FAM20A: variants seen among roughly 807,000 people sequenced by gnomAD.
The protein encoded by FAM20A is FAM20A golgi associated secretory pathway pseudokinase.
A neutral mutation model predicts 52.0 loss-of-function variants in FAM20A; 42 were observed. The ratio of observed to expected loss-of-function variants is 0.81; its 90% CI spans 0.63 to 1.04. FAM20A has a LOEUF of 1.04. FAM20A is among the 50% of genes least tolerant of loss of function. The pLI, the probability that FAM20A is intolerant of heterozygous loss-of-function variation, is 0.00. For synonymous variants in FAM20A, 304 were observed against 298.9 expected (o/e 1.02, Z -0.18); for missense variants, 742 against 712.7 (o/e 1.04, Z -0.47).
chr17:68,559,404 T>G (rs1568749069), intron 1 of FAM20A, among the ~76,000 whole-genome samples: 1 of 152,362 alleles, frequency 6.6e-6, no homozygotes, highest in East Asian at 1.9e-4. Context: ...AACACTGGCC[T>G]TCCTTTTAAG....
At chr17:68,591,831 G>C (rs1405449753) in intron 1 of FAM20A, 1 of 152,276 alleles carries the variant, frequency 6.6e-6, no homozygotes, top group Non-Finnish European at 1.5e-5. Context: ...GATTCAGTCT[G>C]TGAGGCGGGA....
chr17:68,551,800 T>A, intron 4 of FAM20A, 73 bp downstream of exon 4: 1 of 1,059,238 alleles, frequency 9.4e-7, no homozygotes, highest in Non-Finnish European at 1.4e-6. Flanking sequence ...TAGGTCACTT[T>A]TATTAGTTTT....
In FAM20A at chr17:68,537,323, A is replaced by G. The variant is rs2143439124; in HGVS notation, c.*154T>C. ...CACCAAGGAGTAAAGATTCAGTTCC[A>G]TGGGCCCCACTTGCTGTTTGAGAAA... is the stretch of plus-strand genomic sequence containing the variant. On this transcript the variant is annotated 3_prime_UTR_variant, in exon 11 of 11. Transcript: ENST00000592554. This position sits in a 1 kb window ranked among gnomAD's most constrained non-coding sequence, Gnocchi z 4.2. 1.1e-6 allele frequency: 1 copy of G among 944,970 alleles called. No individual in the cohort carries two copies. Among genetic ancestry groups the G allele is most frequent in the Admixed American group, 1.9e-5 (1 of 52,024 alleles). 58.5% of individuals were successfully genotyped at this position (944,970 alleles called of 1,614,324 possible).
At chr17:68,538,669 A>G (rs1341441804) in intron 10 of FAM20A, among the ~76,000 whole-genome samples, 2 of 152,182 alleles carry the variant, frequency 1.3e-5, no homozygotes, top group African/African-American at 4.8e-5. Flanking sequence ...TCAAGTAGTA[A>G]TATTTATGAG....
intron 3 of FAM20A, 109 bp downstream of exon 3, chr17:68,554,668 G>A (rs1178878188): frequency 4.8e-6 from 5 of 1,042,264 alleles, no homozygotes; most frequent in Non-Finnish European, 7.4e-6. Context: ...GTTAGGCAGA[G>A]AGCCATGCTC....
chr17:68,550,577 C>T (rs2086791639), intron 4 of FAM20A, among the ~76,000 whole-genome samples: 1 of 151,974 alleles, frequency 6.6e-6, no homozygotes, highest in African/African-American at 2.4e-5. Flanking sequence ...GATGGGGTTT[C>T]ACCATGATGG....
At chr17:68,592,075 T>A (rs2088329198) in intron 1 of FAM20A, among the ~76,000 whole-genome samples, 1 of 152,178 alleles carries the variant, frequency 6.6e-6, no homozygotes, top group South Asian at 2.1e-4. Flanking sequence ...AAAATGGACC[T>A]CACCAACTGG....
At chr17:68,585,906 C>T (rs2088154081) in intron 1 of FAM20A, among the ~76,000 whole-genome samples, 1 of 152,176 alleles carries the variant, frequency 6.6e-6, no homozygotes, top group Non-Finnish European at 1.5e-5. Context: ...AGTGTCCTCT[C>T]TTGGAGGAGG....
chr17:68,569,506 A>C (rs1329365719), intron 1 of FAM20A, among the ~76,000 whole-genome samples: 3 of 152,196 alleles, frequency 2.0e-5, no homozygotes. Flanking sequence ...AAATGAAAAC[A>C]AGCTTCCTTA....
At chr17:68,542,309 T>C (rs543538141) in intron 6 of FAM20A, 144 bp from the exon 7 acceptor site, 3 of 963,160 alleles carry the variant, frequency 3.1e-6, no homozygotes, top group African/African-American at 3.3e-5. Context: ...AAACATTGAC[T>C]TTTCCAGAAG....
intron 4 of FAM20A, among the ~76,000 whole-genome samples, chr17:68,545,321 A>C (rs1458907434): frequency 2.0e-5 from 3 of 152,214 alleles, no homozygotes; most frequent in African/African-American, 7.2e-5. Context: ...CACACTTCGG[A>C]GATATTGCAG....
chr17:68,558,628 G>C (rs186638999), intron 1 of FAM20A, among the ~76,000 whole-genome samples: 1 of 152,300 alleles, frequency 6.6e-6, no homozygotes, highest in African/African-American at 2.4e-5. Context: ...GCCCTCACCA[G>C]AAGCAGCATG....
intron 7 of FAM20A, chr17:68,541,341 TTCTC>T (rs1568721557): frequency 7.8e-6 from 2 of 257,674 alleles, no homozygotes; most frequent in South Asian, 4.9e-5. Flanking sequence ...TTCCTGCCCT[TTCTC>T]TCTCACACAT....
rs2086317070 is a variant in FAM20A at position 68,541,969 on chromosome 17, C to T, written c.1109+16G>A. 6.2e-7 allele frequency: 1 copy of T among 1,610,340 alleles called. No homozygotes were observed. The highest frequency in any genetic ancestry group is 1.3e-5 in the African/African-American group (1 of 74,890). On this transcript the variant is annotated intron_variant, in intron 7 of 10. Coordinates refer to ENST00000592554, the MANE Select transcript of FAM20A (RefSeq NM_017565.4). Reference sequence around the variant, plus strand: ...ACTGTCAAGGACTGGGCTGTGTGGCCTGGGGACCAACTCACTCCTCTTTTC... The same window carrying T: ...ACTGTCAAGGACTGGGCTGTGTGGCTTGGGGACCAACTCACTCCTCTTTTC...
chr17:68,573,502 CTCTT>C (rs945272459), intron 1 of FAM20A, among the ~76,000 whole-genome samples: 3 of 144,718 alleles, frequency 2.1e-5, no homozygotes, highest in Admixed American at 1.4e-4. Flanking sequence ...TTCTTTCTCT[CTCTT>C]TCTCTTTTCC....
At chr17:68,575,766 T>A (rs1363992780) in intron 1 of FAM20A, among the ~76,000 whole-genome samples, 1 of 118,692 alleles carries the variant, frequency 8.4e-6, no homozygotes. Flanking sequence ...TATTTTATAT[T>A]TTATATATTG....
rs1483716081 is a variant in FAM20A, at chr17:68,600,580, G to C, written c.87C>G (p.Pro29=). ...LSADLYFHLW[P]QVQRQLRPRE... The stretch of plus-strand genomic sequence containing the variant: ...GAGGCCGCAGCTGGCGCTGTACTTG[G>C]GGCCAGAGGTGGAAGTAGAGGTCGG... Residue 29 remains proline (P), a synonymous_variant, in exon 1 of 11, where the codon CCC becomes CCG. Coordinates refer to ENST00000592554, the MANE Select transcript of FAM20A (RefSeq NM_017565.4). The surrounding 1 kb of genome is among the most constrained non-coding windows in gnomAD (Gnocchi z 6.2). The C allele has an allele frequency of 6.4e-7, 1 of 1,561,242 alleles. No homozygotes were observed. The highest frequency in any genetic ancestry group is 8.7e-7 in the Non-Finnish European group (1 of 1,154,214).
At chr17:68,583,394 C>T (rs960758114) in intron 1 of FAM20A, among the ~76,000 whole-genome samples, 1 of 152,118 alleles carries the variant, frequency 6.6e-6, no homozygotes, top group African/African-American at 2.4e-5. Flanking sequence ...TTTGCTGTTT[C>T]TGTCTTCTGG....
intron 1 of FAM20A, among the ~76,000 whole-genome samples, chr17:68,587,062 T>C (rs577704699): frequency 1.3e-5 from 2 of 152,242 alleles, no homozygotes; most frequent in African/African-American, 4.8e-5. Flanking sequence ...AGCTATTTTT[T>C]ATTTTGTATT....
Sources: gnomAD v4.1 joint callset for allele counts (sites outside exome capture counted in the v4.1 genomes callset) on GRCh38, gnomAD v4.1.1 for gene constraint, Gnocchi (gnomAD v3.1) non-coding constraint, MANE v1.5 for transcripts, NCBI Gene and HGNC (gene_info 2026-07-23, HGNC 2026-07-21) for gene names.